CADPS2: variants seen among roughly 807,000 people sequenced by gnomAD.
CADPS2 encodes calcium-dependent secretion activator 2.
A neutral mutation model predicts 172.5 loss-of-function variants in CADPS2; 93 were observed. That is an observed-to-expected ratio of 0.54 (90% CI 0.46 to 0.64). CADPS2 has a LOEUF of 0.64. Ranked by LOEUF, CADPS2 falls within the 30% of genes least tolerant of loss-of-function variation. The pLI, the probability that CADPS2 is intolerant of heterozygous loss-of-function variation, is 0.00. For missense variants in CADPS2, 1,420 were observed against 1,565.9 expected (o/e 0.91, Z 1.57); for synonymous variants, 546 against 555.2 (o/e 0.98, Z 0.23).
intron 1 of CADPS2, among the ~76,000 whole-genome samples, chr7:122,773,689 C>A (rs552565174): frequency 6.6e-6 from 1 of 152,210 alleles, no homozygotes; most frequent in South Asian, 2.1e-4. Context: ...CTTTTTCAGG[C>A]ATTGCTTTAA....
intron 1 of CADPS2, among the ~76,000 whole-genome samples, chr7:122,755,189 T>C (rs894216460): frequency 6.6e-6 from 1 of 152,204 alleles, no homozygotes; most frequent in Admixed American, 6.5e-5. Context: ...TTTCCTGCAG[T>C]CTACATGTCT....
intron 24 of CADPS2, among the ~76,000 whole-genome samples, chr7:122,384,041 T>C (rs1448752010): frequency 6.6e-6 from 1 of 152,078 alleles, no homozygotes; most frequent in Non-Finnish European, 1.5e-5. Context: ...TTACGGATAA[T>C]GAGGATTCTA....
chr7:122,454,252 G>T (rs961160172), intron 14 of CADPS2, among the ~76,000 whole-genome samples: 1 of 152,070 alleles, frequency 6.6e-6, no homozygotes, highest in Non-Finnish European at 1.5e-5. Context: ...TATCTTATAT[G>T]CAGAATAACA....
chr7:122,640,470 T>A (rs528718777), intron 3 of CADPS2, among the ~76,000 whole-genome samples: 1 of 137,522 alleles, frequency 7.3e-6, no homozygotes, highest in Admixed American at 7.3e-5. Context: ...CACACACATA[T>A]ACACACACAC....
At chr7:122,556,399 C>G (rs908287389) in intron 7 of CADPS2, among the ~76,000 whole-genome samples, 127 of 152,102 alleles carry the variant, frequency 8.3e-4, no homozygotes, top group African/African-American at 2.8e-3. Context: ...ACCCATCCCC[C>G]ACACCAACTT....
At chr7:122,597,196 A>G (rs1250358503) in intron 6 of CADPS2, among the ~76,000 whole-genome samples, 1 of 152,140 alleles carries the variant, frequency 6.6e-6, no homozygotes, top group African/African-American at 2.4e-5. Context: ...TCAAATATCC[A>G]AACTATCATC....
intron 1 of CADPS2, among the ~76,000 whole-genome samples, chr7:122,847,186 A>G (rs1812218877): frequency 6.6e-6 from 1 of 152,060 alleles, no homozygotes; most frequent in Admixed American, 6.5e-5. Context: ...TCCTGGGTTC[A>G]AGCAATTCTC....
chr7:122,580,417 C>T (rs1004650814), intron 7 of CADPS2, among the ~76,000 whole-genome samples: 5 of 148,552 alleles, frequency 3.4e-5, no homozygotes, highest in African/African-American at 7.5e-5. Context: ...TGTGCCACTG[C>T]ACTCCAGCCT....
At chr7:122,603,697 C>T in intron 6 of CADPS2, among the ~76,000 whole-genome samples, 1 of 152,120 alleles carries the variant, frequency 6.6e-6, no homozygotes, top group Admixed American at 6.6e-5. Flanking sequence ...TTATACTCTG[C>T]AATGTCTCAA....
chr7:122,384,773 A>G (rs2043425572), intron 24 of CADPS2, among the ~76,000 whole-genome samples: 1 of 152,000 alleles, frequency 6.6e-6, no homozygotes, highest in African/African-American at 2.4e-5. Flanking sequence ...CTTCAAAACC[A>G]CCCACCTATT....
intron 20 of CADPS2, among the ~76,000 whole-genome samples, chr7:122,394,021 T>G (rs1243881533): frequency 6.6e-6 from 1 of 152,192 alleles, no homozygotes; most frequent in Admixed American, 6.5e-5. Context: ...GAGGTAAGCT[T>G]GATGACTTGT....
At chr7:122,696,891 G>A (rs1349045998) in intron 2 of CADPS2, among the ~76,000 whole-genome samples, 2 of 152,040 alleles carry the variant, frequency 1.3e-5, no homozygotes, top group Non-Finnish European at 2.9e-5. Context: ...TCGAGTGCCA[G>A]GAACTCTGCT....
At chr7:122,697,228 G>C (rs1469083146) in intron 2 of CADPS2, among the ~76,000 whole-genome samples, 1 of 151,960 alleles carries the variant, frequency 6.6e-6, no homozygotes, top group African/African-American at 2.4e-5. Flanking sequence ...CTAACTGCTT[G>C]AACAGAACTA....
intron 9 of CADPS2, among the ~76,000 whole-genome samples, chr7:122,501,342 AT>A (rs35805017): frequency 0.053 from 8,042 of 152,258 alleles, 270 homozygotes; most frequent in Non-Finnish European, 0.055. Context: ...ACATTTGGAA[AT>A]TTAAAACTAT....
rs1263571814 is a variant in CADPS2, at chr7:122,388,823, A to G, written c.3009-85T>C. On this transcript the variant is annotated intron_variant, in intron 22 of 29. Coordinates refer to ENST00000449022, the MANE Select transcript of CADPS2 (RefSeq NM_017954.11). ...TACATTGTTTTTTCTTTTCTGCATC[A>G]ATTGCCATCAGTGAAAAAAATACCA... 4.1e-6 allele frequency: 5 copies of G among 1,219,316 alleles called. No individual in the cohort carries two copies. The Admixed American group carries it at 1.4e-4, about 34-fold the overall frequency. 75.5% of individuals were successfully genotyped at this position (1,219,316 alleles called of 1,614,324 possible). A position where few individuals can be genotyped will look rare whatever the true frequency, so the allele number is the denominator to read the frequency against.
chr7:122,523,477 A>C (rs2060970785), intron 8 of CADPS2, among the ~76,000 whole-genome samples: 1 of 152,104 alleles, frequency 6.6e-6, no homozygotes, highest in Admixed American at 6.6e-5. Context: ...GAAAAGAAGT[A>C]CCTTGATAAA....
chr7:122,358,297 T>TAAAA (rs2039684148), intron 27 of CADPS2, among the ~76,000 whole-genome samples: 1 of 152,166 alleles, frequency 6.6e-6, no homozygotes, highest in Non-Finnish European at 1.5e-5. Flanking sequence ...TTGGATCTTT[T>TAAAA]GCCCATTTAA....
intron 11 of CADPS2, among the ~76,000 whole-genome samples, chr7:122,489,241 T>C (rs998864383): frequency 2.0e-5 from 3 of 152,172 alleles, no homozygotes; most frequent in Non-Finnish European, 4.4e-5. Flanking sequence ...CCAGAAATGA[T>C]ACTGAAGGGT....
chr7:122,321,203 C>A (rs1443429757), intron 29 of CADPS2, among the ~76,000 whole-genome samples: 1 of 152,172 alleles, frequency 6.6e-6, no homozygotes, highest in Non-Finnish European at 1.5e-5. Flanking sequence ...GTCTCACTCT[C>A]TTACCCAGGC....
Sources: gnomAD v4.1 joint callset for allele counts (sites outside exome capture counted in the v4.1 genomes callset) on GRCh38, gnomAD v4.1.1 for gene constraint, MANE v1.5 for transcripts, NCBI Gene and HGNC (gene_info 2026-07-23, HGNC 2026-07-21) for gene names.